The following GALNT5 variants were observed in gnomAD, a reference collection of about 807,000 sequenced individuals.
GALNT5 encodes the protein UDP-GalNAc:polypeptide N-acetylgalactosaminyltransferase 5.
In GALNT5, 72 loss-of-function variants were observed where a neutral mutation model predicts 85.4. That is an observed-to-expected ratio of 0.84 (90% CI 0.70 to 1.03). The LOEUF (loss-of-function observed/expected upper bound fraction) is 1.03, where lower values mean the gene tolerates loss of function less well. GALNT5 is among the 50% of genes least tolerant of loss of function. The pLI, the probability that GALNT5 is intolerant of heterozygous loss-of-function variation, is 0.00. For missense variants in GALNT5, 1,137 were observed against 1,135.5 expected (o/e 1.00, Z -0.02); for synonymous variants, 404 against 397.0 (o/e 1.02, Z -0.21).
chr2:157,296,599 G>T, intron 5 of GALNT5, 86 bp downstream of exon 5: 3 of 955,006 alleles, frequency 3.1e-6, no homozygotes, highest in Non-Finnish European at 4.9e-6. Context: ...GCTGTATCTT[G>T]TTATTCTATA....
Position 157,258,038 on chromosome 2 carries a change from T to C in GALNT5, c.-45T>C. The C allele has an allele frequency of 1.2e-6, 2 of 1,602,060 alleles. No individual in the cohort carries two copies. The highest frequency in any genetic ancestry group is 1.7e-6 in the Non-Finnish European group (2 of 1,177,106). ...ACTTCAGCTTCCTCTCCACTCAAGG[T>C]AAGCAGGCTAAGGGAGGGCAGGCTG... On this transcript the variant is annotated 5_prime_UTR_variant, in exon 1 of 10. Coordinates refer to ENST00000259056, the MANE Select transcript of GALNT5 (RefSeq NM_014568.3).
rs1683651855 is a variant in GALNT5 at position 157,314,499 on chromosome 2, T to C, written c.*3151T>C. Among the ~76,000 whole-genome samples, 2 of 152,230 alleles carry C rather than the reference T, an allele frequency of 1.3e-5. No individual in the cohort carries two copies. Among genetic ancestry groups the C allele is most frequent in the South Asian group, 4.1e-4 (2 of 4,838 alleles). On this transcript the variant is annotated 3_prime_UTR_variant, in exon 10 of 10. Transcript: ENST00000259056. ...CTGTCATTCACAGCAAACCACCATGTGCCATGATCACAATGTATTATTAGC... is the reference window on the plus strand; with the variant it reads ...CTGTCATTCACAGCAAACCACCATGCGCCATGATCACAATGTATTATTAGC...
intron 9 of GALNT5, among the ~76,000 whole-genome samples, chr2:157,309,650 C>T (rs953743839): frequency 6.6e-6 from 1 of 152,176 alleles, no homozygotes; most frequent in Non-Finnish European, 1.5e-5. Context: ...ACCTTTGCTT[C>T]CTTTAGGTGC....
intron 1 of GALNT5, among the ~76,000 whole-genome samples, chr2:157,273,585 G>A (rs180960064): frequency 1.4e-5 from 2 of 144,924 alleles, no homozygotes; most frequent in Non-Finnish European, 3.0e-5. Flanking sequence ...TTGAGGGATA[G>A]GGAAGCCATT....
At chr2:157,272,274 T>C (rs1431201948) in intron 1 of GALNT5, among the ~76,000 whole-genome samples, 2 of 152,202 alleles carry the variant, frequency 1.3e-5, no homozygotes, top group Admixed American at 6.5e-5. Flanking sequence ...ATTTTCCTGG[T>C]ATCCCACCTA....
chr2:157,285,504 C>A (rs546630133), intron 2 of GALNT5, among the ~76,000 whole-genome samples: 1 of 152,114 alleles, frequency 6.6e-6, no homozygotes, highest in African/African-American at 2.4e-5. Context: ...GCTCATAAAG[C>A]CCCCGGAAAA....
At chr2:157,286,535 G>A (rs1223609584) in intron 3 of GALNT5, among the ~76,000 whole-genome samples, 2 of 151,704 alleles carry the variant, frequency 1.3e-5, no homozygotes, top group East Asian at 1.9e-4. Context: ...ACAGAGTCTC[G>A]CTCTGTCACC....
intron 8 of GALNT5, among the ~76,000 whole-genome samples, chr2:157,306,441 G>A (rs929206492): frequency 6.6e-6 from 1 of 152,154 alleles, no homozygotes; most frequent in Admixed American, 6.5e-5. Context: ...GAGCGCAATG[G>A]TTAGTAGAGG....
rs767719295 is a variant in GALNT5 at position 157,311,226 on chromosome 2, G to T, written c.2701G>T (p.Glu901Ter). 183 of 1,608,994 alleles carry T rather than the reference G, an allele frequency of 1.1e-4. No individual in the cohort carries two copies. Among genetic ancestry groups the T allele is most frequent in the Non-Finnish European group, 1.5e-4 (175 of 1,177,136 alleles). ...HPELVNHIVFENNQQLLCLEG... is the reference protein window; with the variant it reads ...HPELVNHIVF Reference sequence around the variant, plus strand: ...TCTCCAGGTGAATCACATTGTTTTTGAAAACAATCAGCAATTATTATGCTT... The same window carrying T: ...TCTCCAGGTGAATCACATTGTTTTTTAAAACAATCAGCAATTATTATGCTT... The change falls in exon 10 of 10, where the codon GAA (glutamate) becomes TAA (stop). Residue 901 changes from glutamate to a stop codon, truncating the protein, a stop_gained. Coordinates refer to ENST00000259056, the MANE Select transcript of GALNT5 (RefSeq NM_014568.3). LOFTEE classifies it high-confidence loss of function.
Position 157,257,957 on chromosome 2 carries a change from T to C in GALNT5, c.-126T>C. The C allele has an allele frequency of 2.1e-6, 2 of 942,866 alleles. No individual in the cohort carries two copies. Among genetic ancestry groups the C allele is most frequent in the Non-Finnish European group, 3.3e-6 (2 of 597,710 alleles). 58.4% of individuals were successfully genotyped at this position (942,866 alleles called of 1,614,324 possible). On this transcript the variant is annotated 5_prime_UTR_variant, in exon 1 of 10. Coordinates refer to ENST00000259056, the MANE Select transcript of GALNT5 (RefSeq NM_014568.3). ...CCTTGGACTGCTGCTTCCTGCTGTG[T>C]TCAGGGGAGGGGGTCACTTTCTGGC...
At chr2:157,309,311 A>T (rs912064009) in intron 9 of GALNT5, among the ~76,000 whole-genome samples, 1 of 152,214 alleles carries the variant, frequency 6.6e-6, no homozygotes, top group African/African-American at 2.4e-5. Context: ...GAAACTGGCC[A>T]TATTGGGAGT....
In GALNT5 at chr2:157,258,103, T is replaced by C. The variant is rs751515886; in HGVS notation, c.21T>C (p.Phe7=). 4.2e-5 allele frequency: 67 copies of C among 1,613,864 alleles called. No individual in the cohort carries two copies. In the East Asian group the frequency reaches 1.5e-3, roughly 36 times the overall value. The change falls in exon 1 of 10, where the codon TTT becomes TTC. Residue 7 remains phenylalanine, a synonymous_variant. Transcript: ENST00000259056. Reference sequence around the variant, plus strand: ...GTACCATGAACAGGATCCGAAAGTTTTTCCGAGGAAGTGGGCGAGTCTTGG... The same window carrying C: ...GTACCATGAACAGGATCCGAAAGTTCTTCCGAGGAAGTGGGCGAGTCTTGG... The part of the protein sequence containing the change: MNRIRK[F]FRGSGRVLAF...
chr2:157,268,395 A>C (rs1197361567), intron 1 of GALNT5, among the ~76,000 whole-genome samples: 2 of 152,174 alleles, frequency 1.3e-5, no homozygotes, highest in Admixed American at 6.6e-5. Flanking sequence ...GCTTCAGAAA[A>C]AGGCAGTGTG....
intron 5 of GALNT5, 34 bp downstream of exon 5, chr2:157,296,547 C>G (rs1179863768): frequency 6.5e-7 from 1 of 1,546,056 alleles, no homozygotes; most frequent in Non-Finnish European, 8.9e-7. Flanking sequence ...AGAAAGCAGT[C>G]ATGTATCTTT....
intron 1 of GALNT5, among the ~76,000 whole-genome samples, chr2:157,280,916 G>C (rs1010753266): frequency 2.0e-5 from 3 of 152,044 alleles, no homozygotes; most frequent in Non-Finnish European, 4.4e-5. Context: ...CTCCCACTTC[G>C]TCTTCTGCCA....
At chr2:157,293,492 T>C (rs1683145541) in intron 3 of GALNT5, among the ~76,000 whole-genome samples, 1 of 152,196 alleles carries the variant, frequency 6.6e-6, no homozygotes, top group Non-Finnish European at 1.5e-5. Flanking sequence ...GAATTTTGGA[T>C]TGACACGTAC....
chr2:157,266,186 A>G (rs777417682), intron 1 of GALNT5, among the ~76,000 whole-genome samples: 17 of 152,220 alleles, frequency 1.1e-4, no homozygotes, highest in Admixed American at 2.6e-4. Flanking sequence ...TCCTTCAGGC[A>G]TATTATTTCA....
chr2:157,283,902 T>C (rs138164328), intron 1 of GALNT5, among the ~76,000 whole-genome samples: 1 of 152,308 alleles, frequency 6.6e-6, no homozygotes, highest in Non-Finnish European at 1.5e-5. Context: ...AAAGAAGGCA[T>C]TAATGGTTAA....
intron 1 of GALNT5, among the ~76,000 whole-genome samples, chr2:157,267,147 G>A (rs1193627656): frequency 6.6e-6 from 1 of 152,152 alleles, no homozygotes; most frequent in African/African-American, 2.4e-5. Flanking sequence ...GAACAAAAAT[G>A]TTTGAGCTGC....
Sources: gnomAD v4.1 joint callset for allele counts (sites outside exome capture counted in the v4.1 genomes callset) on GRCh38, gnomAD v4.1.1 for gene constraint, MANE v1.5 for transcripts, NCBI Gene and HGNC (gene_info 2026-07-23, HGNC 2026-07-21) for gene names.